Variants in PIGK observed in about 807,000 individuals in gnomAD.
The protein encoded by PIGK is GPI-anchor transamidase.
Under a neutral mutation model 50.6 loss-of-function variants are expected in PIGK, and 42 were observed. That is an observed-to-expected ratio of 0.83 (90% CI 0.65 to 1.07). The LOEUF is 1.07. Among genes scored for constraint, PIGK ranks in the 50% least tolerant of loss-of-function variants. The pLI is 0.00. For synonymous variants in PIGK, 151 were observed against 156.0 expected (o/e 0.97, Z 0.24); for missense variants, 448 against 488.7 (o/e 0.92, Z 0.78).
intron 10 of PIGK, among the ~76,000 whole-genome samples, chr1:77,099,261 C>T (rs1653489244): frequency 6.6e-6 from 1 of 151,964 alleles, no homozygotes; most frequent in Non-Finnish European, 1.5e-5. Flanking sequence ...TTTCCTATAA[C>T]AATATTCAAA....
At chr1:77,120,496 A>G (rs1009984145) in intron 10 of PIGK, among the ~76,000 whole-genome samples, 9 of 152,190 alleles carry the variant, frequency 5.9e-5, no homozygotes, top group African/African-American at 2.2e-4. Context: ...CTGGGATTAT[A>G]GGCATGGGAT....
chr1:77,193,245 A>ATGTGTGTGTGTGTGTGTGTGTGTG (rs56987496), intron 3 of PIGK, among the ~76,000 whole-genome samples: 5 of 144,778 alleles, frequency 3.5e-5, no homozygotes, highest in African/African-American at 1.0e-4. Context: ...TGGCATGAGA[A>ATGTGTGTGTGTGTGTGTGTGTGTG]TGTGTGTGTG....
At chr1:77,197,038 T>C (rs1656054417) in intron 3 of PIGK, among the ~76,000 whole-genome samples, 2 of 152,176 alleles carry the variant, frequency 1.3e-5, no homozygotes, top group Non-Finnish European at 2.9e-5. Context: ...ACTCTCACAG[T>C]AATAATAAAA....
chr1:77,180,563 C>T (rs892239889), intron 3 of PIGK, among the ~76,000 whole-genome samples: 1 of 152,124 alleles, frequency 6.6e-6, no homozygotes, highest in Non-Finnish European at 1.5e-5. Flanking sequence ...CAGGACACAG[C>T]CTCAGGAGGT....
At chr1:77,137,074 T>G (rs546136663) in intron 9 of PIGK, among the ~76,000 whole-genome samples, 1 of 152,234 alleles carries the variant, frequency 6.6e-6, no homozygotes, top group Non-Finnish European at 1.5e-5. Context: ...TGATTCCTTC[T>G]GCACAATAGG....
intron 10 of PIGK, among the ~76,000 whole-genome samples, chr1:77,106,730 T>A (rs908088945): frequency 3.3e-5 from 5 of 152,128 alleles, no homozygotes; most frequent in Non-Finnish European, 7.4e-5. Flanking sequence ...AATTACTTGA[T>A]AATTTAGTTA....
At chr1:77,114,534 T>C (rs902252467) in intron 10 of PIGK, among the ~76,000 whole-genome samples, 1 of 152,126 alleles carries the variant, frequency 6.6e-6, no homozygotes, top group Non-Finnish European at 1.5e-5. Context: ...TCCATTTCTA[T>C]TATAGAAATT....
At chr1:77,095,945 G>A (rs1653396440) in intron 10 of PIGK, among the ~76,000 whole-genome samples, 1 of 152,040 alleles carries the variant, frequency 6.6e-6, no homozygotes, top group South Asian at 2.1e-4. Context: ...AAAAATTGAG[G>A]TGGGCTCTAT....
chr1:77,161,410 G>C lies in PIGK; in HGVS notation c.703-5C>G. ...AATTGCAGGATCAGGTTGATGCTAT[G>C]GAAAGGGGGAAAAAAAGTATTTCTA... On this transcript the variant is annotated splice_polypyrimidine_tract_variant and splice_region_variant and intron_variant, in intron 7 of 10. Transcript: ENST00000370812. The C allele has an allele frequency of 6.8e-7, 1 of 1,461,492 alleles. No homozygotes were observed. The highest frequency in any genetic ancestry group is 9.6e-7 in the Non-Finnish European group (1 of 1,042,448). The allele number at this position is 1,461,492 out of a possible 1,614,324, so 90.5% of individuals were successfully genotyped here. A position where few individuals can be genotyped will look rare whatever the true frequency, so the allele number is the denominator to read the frequency against.
intron 3 of PIGK, among the ~76,000 whole-genome samples, chr1:77,180,413 C>T (rs1655584213): frequency 6.6e-6 from 1 of 152,132 alleles, no homozygotes; most frequent in African/African-American, 2.4e-5. Flanking sequence ...CATACATATA[C>T]ATCTACTTAT....
intron 8 of PIGK, among the ~76,000 whole-genome samples, chr1:77,157,568 A>T (rs565651784): frequency 3.3e-5 from 5 of 152,248 alleles, no homozygotes; most frequent in Non-Finnish European, 7.3e-5. Context: ...TTCAAATTGA[A>T]GTAATTGGAA....
chr1:77,105,960 G>A (rs945134674), intron 10 of PIGK, among the ~76,000 whole-genome samples: 2 of 152,146 alleles, frequency 1.3e-5, no homozygotes, highest in African/African-American at 2.4e-5. Flanking sequence ...TCTTTAAAGT[G>A]CTGAAAGAAA....
chr1:77,169,453 A>C, intron 3 of PIGK, 58 bp from the exon 4 acceptor site: 1 of 1,363,844 alleles, frequency 7.3e-7, no homozygotes, highest in Non-Finnish European at 1.0e-6. Context: ...AGTTAAACAC[A>C]AATTTATTTA....
intron 3 of PIGK, among the ~76,000 whole-genome samples, chr1:77,203,092 C>T (rs1656207772): frequency 6.6e-6 from 1 of 152,124 alleles, no homozygotes; most frequent in Non-Finnish European, 1.5e-5. Context: ...ACTTTATTCA[C>T]TGTGCAAACG....
intron 10 of PIGK, among the ~76,000 whole-genome samples, chr1:77,107,881 AG>A (rs1222486066): frequency 3.3e-5 from 5 of 152,112 alleles, no homozygotes; most frequent in Non-Finnish European, 7.4e-5. Flanking sequence ...GTTGGTTTAA[AG>A]TCTGTTTTAT....
intron 3 of PIGK, among the ~76,000 whole-genome samples, chr1:77,198,401 CTT>C (rs1388169742): frequency 6.6e-6 from 1 of 151,848 alleles, no homozygotes; most frequent in Non-Finnish European, 1.5e-5. Flanking sequence ...TTAAAGATTA[CTT>C]TTATTCCAAA....
intron 2 of PIGK, among the ~76,000 whole-genome samples, chr1:77,207,470 C>T (rs1359759438): frequency 6.6e-6 from 1 of 151,942 alleles, no homozygotes; most frequent in African/African-American, 2.4e-5. Flanking sequence ...TTGTGAGAAA[C>T]GTAGGACACA....
intron 9 of PIGK, among the ~76,000 whole-genome samples, chr1:77,135,766 A>T (rs1654494250): frequency 6.6e-6 from 1 of 151,946 alleles, no homozygotes; most frequent in Non-Finnish European, 1.5e-5. Context: ...TAAAGCTATT[A>T]AAATTTACAA....
In PIGK at chr1:77,219,306, C is replaced by T; in HGVS notation, c.93+4G>A. Reference sequence around the variant, plus strand: ...GGCTGTGGTCAAATGAGCCTGACTCCTACCTCGATATGACTAGCGGCCACG... The same window carrying T: ...GGCTGTGGTCAAATGAGCCTGACTCTTACCTCGATATGACTAGCGGCCACG... On this transcript the variant is annotated splice_donor_region_variant and intron_variant, in intron 1 of 10. Coordinates refer to ENST00000370812, the MANE Select transcript of PIGK (RefSeq NM_005482.3). 1 of 1,612,676 alleles carries T rather than the reference C, an allele frequency of 6.2e-7. No individual in the cohort carries two copies.
Sources: allele counts gnomAD v4.1 joint callset (sites outside exome capture counted in the v4.1 genomes callset), GRCh38; gene constraint gnomAD v4.1.1; transcripts MANE v1.5; gene names NCBI Gene and HGNC (gene_info 2026-07-23, HGNC 2026-07-21).